The following ATP9A variants were observed in gnomAD, a reference collection of about 807,000 sequenced individuals.
ATP9A encodes ATPase phospholipid transporting 9A.
In ATP9A, 52 loss-of-function variants were observed where a neutral mutation model predicts 144.1. The ratio of observed to expected loss-of-function variants is 0.36; its 90% CI spans 0.29 to 0.45. The LOEUF is 0.45. ATP9A is among the 20% of genes least tolerant of loss of function. The probability of loss-of-function intolerance (pLI) is 1.00; values close to 1 mark genes in which losing one functional copy is unlikely to be tolerated. For missense variants in ATP9A, 947 were observed against 1,392.7 expected, an observed-to-expected ratio of 0.68 and a Z score of 5.09; for synonymous variants, 582 against 557.4, an observed-to-expected ratio of 1.04 and a Z score of -0.62.
In ATP9A at chr20:51,618,978, C is replaced by A. The variant is rs763749915; in HGVS notation, c.2181G>T (p.Leu727=). Residue 727 remains leucine, a synonymous_variant, in exon 20 of 28, where the codon CTG becomes CTT. Transcript: ENST00000338821. ...NAFRRKHDCA[L]VISGDSLEVC... ...CCTCCAGGGAGTCTCCCGAGATGAC[C>A]AGGGCACAATCATGCTTCCTGCGGA... 1.2e-6 allele frequency: 2 copies of A among 1,614,170 alleles called. No homozygotes were observed. The highest frequency in any genetic ancestry group is 1.1e-5 in the South Asian group (1 of 91,080).
Position 51,732,646 on chromosome 20 carries a change from G to A in ATP9A, c.69-2668C>T, listed in dbSNP as rs6091358. Reference sequence around the variant, plus strand: ...GTTTCACTTCTAGTAACTCATTCTTGTTGGCCCCTTTCTAAGTTGTCCAAA... The same window carrying A: ...GTTTCACTTCTAGTAACTCATTCTTATTGGCCCCTTTCTAAGTTGTCCAAA... On this transcript the variant is annotated intron_variant, in intron 1 of 27. Transcript: ENST00000338821. The A allele has an allele frequency of 9.5e-4, 136 of 143,492 alleles. 4 individuals carry two copies. The highest frequency in any genetic ancestry group is 3.6e-3 in the African/African-American group (128 of 35,906). The allele number at this position is 143,492 out of a possible 1,614,324, so 8.9% of individuals were successfully genotyped here.
Position 51,674,915 on chromosome 20 carries a change from C to T in ATP9A, c.877-602G>A, listed in dbSNP as rs534134948. On this transcript the variant is annotated intron_variant, in intron 10 of 27. Coordinates refer to ENST00000338821, the MANE Select transcript of ATP9A (RefSeq NM_006045.3). Reference sequence around the variant, plus strand: ...TTGGCTCACACCTCCTGGGTTCAAGCGATTCTCCTACCTCAGCCTCCCGAT... The same window carrying T: ...TTGGCTCACACCTCCTGGGTTCAAGTGATTCTCCTACCTCAGCCTCCCGAT... Among the ~76,000 whole-genome samples, 8 of 152,240 alleles carry T rather than the reference C, an allele frequency of 5.3e-5. No individual in the cohort carries two copies. In the South Asian group the frequency reaches 1.2e-3, roughly 24 times the overall value.
chr20:51,617,372 T>C (rs2077207430), intron 22 of ATP9A, 118 bp downstream of exon 22: 1 of 1,057,770 alleles, frequency 9.5e-7, no homozygotes, highest in East Asian at 2.6e-5. Flanking sequence ...GACACATGAT[T>C]CCTTATGTTT....
At chr20:51,646,865 C>A (rs1326111583) in intron 14 of ATP9A, among the ~76,000 whole-genome samples, 1 of 152,046 alleles carries the variant, frequency 6.6e-6, no homozygotes, top group Non-Finnish European at 1.5e-5. Flanking sequence ...GCCTGTAATC[C>A]CAACACCTTG....
chr20:51,625,500 C>A (rs2023791711), intron 17 of ATP9A, 138 bp from the exon 18 acceptor site: 1 of 951,348 alleles, frequency 1.1e-6, no homozygotes, highest in African/African-American at 1.7e-5. Context: ...CTGGACCCCA[C>A]AGGGGTGACA....
rs1344047098 is a variant in ATP9A, at chr20:51,599,044, A to T, written c.*2167T>A. ...TCTTAAGCGTTGGCTTTAAAAGTCA[A>T]CTTGTGCACCTCAATCAAAATTGAG... On this transcript the variant is annotated 3_prime_UTR_variant, in exon 28 of 28. Coordinates refer to ENST00000338821, the MANE Select transcript of ATP9A (RefSeq NM_006045.3). 2 of 152,202 alleles carry T rather than the reference A, an allele frequency of 1.3e-5. No homozygotes were observed. The highest frequency in any genetic ancestry group is 2.9e-5 in the Non-Finnish European group (2 of 68,036). The allele number at this position is 152,202 out of a possible 1,614,324, so 9.4% of individuals were successfully genotyped here.
chr20:51,720,289 G>A (rs935410543), intron 3 of ATP9A, among the ~76,000 whole-genome samples: 2 of 152,100 alleles, frequency 1.3e-5, no homozygotes, highest in Non-Finnish European at 2.9e-5. Flanking sequence ...ATACATTGTA[G>A]ACCAACTTTG....
At chr20:51,759,542 G>A (rs1042145871) in intron 1 of ATP9A, among the ~76,000 whole-genome samples, 10 of 151,840 alleles carry the variant, frequency 6.6e-5, no homozygotes, top group Admixed American at 1.3e-4. Flanking sequence ...GCGTGGTGGC[G>A]GGTGCCTGTA....
At chr20:51,749,636 G>A (rs1008042205) in intron 1 of ATP9A, among the ~76,000 whole-genome samples, 1 of 152,168 alleles carries the variant, frequency 6.6e-6, no homozygotes, top group Admixed American at 6.6e-5. Context: ...AAAAATCTAT[G>A]TCTATTTATC....
intron 18 of ATP9A, among the ~76,000 whole-genome samples, chr20:51,623,634 C>T (rs1203862829): frequency 6.6e-6 from 1 of 151,764 alleles, no homozygotes; most frequent in Admixed American, 6.6e-5. Flanking sequence ...TCTAAATATA[C>T]AAAATTATCC....
chr20:51,687,353 T>A (rs527374636), intron 9 of ATP9A, among the ~76,000 whole-genome samples: 5 of 152,248 alleles, frequency 3.3e-5, no homozygotes, highest in Admixed American at 3.3e-4. Flanking sequence ...CTCTGCCTAT[T>A]TGTATTAAGT....
chr20:51,606,263 GTAA>G lies in ATP9A; in HGVS notation c.2804-1246_2804-1244del, dbSNP rs1383381942. On this transcript the variant is annotated intron_variant, in intron 26 of 27. Transcript: ENST00000338821. ...AAGAGCAAAACTCCATCTCAGAATA[GTAA>G]TAATAATAATCCCCAAATACACATG... Among the ~76,000 whole-genome samples the G allele has an allele frequency of 3.3e-5, 5 of 152,224 alleles. No homozygotes were observed. The South Asian group carries it at 1.0e-3, about 32-fold the overall frequency.
intron 4 of ATP9A, among the ~76,000 whole-genome samples, chr20:51,707,622 A>G (rs1261564889): frequency 6.6e-6 from 1 of 152,186 alleles, no homozygotes; most frequent in Non-Finnish European, 1.5e-5. Flanking sequence ...GCAAGTTTGG[A>G]GCCACTACTT....
At chr20:51,706,407 A>G (rs2077614762) in intron 4 of ATP9A, among the ~76,000 whole-genome samples, 1 of 152,192 alleles carries the variant, frequency 6.6e-6, no homozygotes, top group African/African-American at 2.4e-5. Flanking sequence ...TGAGAGAAAG[A>G]AATGTTTTCC....
In ATP9A at chr20:51,601,361, G is replaced by C. The variant is rs2077142299; in HGVS notation, c.3008-14C>G. ...TGAAGTACACATCTGCAAGGAAAGGGGAAGACGGCAGTGAGCAGGCAGGAA... is the reference window on the plus strand; with the variant it reads ...TGAAGTACACATCTGCAAGGAAAGGCGAAGACGGCAGTGAGCAGGCAGGAA... On this transcript the variant is annotated splice_polypyrimidine_tract_variant and intron_variant, in intron 27 of 27. Coordinates refer to ENST00000338821, the MANE Select transcript of ATP9A (RefSeq NM_006045.3). 1.2e-6 allele frequency: 2 copies of C among 1,601,824 alleles called. No homozygotes were observed. The highest frequency in any genetic ancestry group is 1.7e-6 in the Non-Finnish European group (2 of 1,173,700).
At chr20:51,704,477 A>T (rs2077607113) in intron 4 of ATP9A, among the ~76,000 whole-genome samples, 1 of 152,118 alleles carries the variant, frequency 6.6e-6, no homozygotes, top group African/African-American at 2.4e-5. Context: ...AACTTTGTGG[A>T]TCTTAAATAA....
intron 14 of ATP9A, among the ~76,000 whole-genome samples, chr20:51,647,904 A>G (rs1257869788): frequency 6.6e-6 from 1 of 152,156 alleles, no homozygotes; most frequent in African/African-American, 2.4e-5. Flanking sequence ...AGCCCTGCTC[A>G]AACAGCCCCC....
chr20:51,755,553 G>A (rs1213782338), intron 1 of ATP9A, among the ~76,000 whole-genome samples: 1 of 152,210 alleles, frequency 6.6e-6, no homozygotes, highest in Admixed American at 6.5e-5. Context: ...CCAGCTTGGT[G>A]GAAGTATAAA....
At position 51,687,003 on chromosome 20, in the gene ATP9A, G is replaced by C. The variant is rs373664250; in HGVS notation, c.799+2061C>G. On this transcript the variant is annotated intron_variant, in intron 9 of 27. Coordinates refer to ENST00000338821, the MANE Select transcript of ATP9A (RefSeq NM_006045.3). ...AGATGCAAATATGACCACCTGCCAG[G>C]TAATCTAGGAAATTCAAACTGAATG... Among the ~76,000 whole-genome samples the C allele has an allele frequency of 1.1e-3, 168 of 151,878 alleles. 1 individual carries two copies. Among genetic ancestry groups the C allele is most frequent in the Non-Finnish European group, 1.7e-3 (118 of 67,966 alleles).
Sources: allele counts gnomAD v4.1 joint callset (sites outside exome capture counted in the v4.1 genomes callset), GRCh38; gene constraint gnomAD v4.1.1; transcripts MANE v1.5; gene names NCBI Gene and HGNC (gene_info 2026-07-23, HGNC 2026-07-21).